Variants in UNC5D observed in about 807,000 individuals in gnomAD.
UNC5D encodes the protein netrin receptor UNC5D.
In UNC5D, 39 loss-of-function variants were observed where a neutral mutation model predicts 105.4. The ratio of observed to expected loss-of-function variants is 0.37; its 90% CI spans 0.29 to 0.48. The LOEUF (loss-of-function observed/expected upper bound fraction) is 0.48. Ranked by LOEUF, UNC5D falls within the 20% of genes least tolerant of loss-of-function variation. The pLI is 0.98. For synonymous variants in UNC5D, 452 were observed against 450.4 expected (o/e 1.00, Z -0.04); for missense variants, 991 against 1,202.4 (o/e 0.82, Z 2.60).
intron 1 of UNC5D, among the ~76,000 whole-genome samples, chr8:35,247,666 T>A (rs1454255450): frequency 3.3e-5 from 1 of 29,894 alleles, no homozygotes; most frequent in Non-Finnish European, 5.1e-5. Flanking sequence ...AAAATATATA[T>A]AATATATAAA....
At position 35,795,696 on chromosome 8, in the gene UNC5D, C is replaced by A. The variant is rs954212524; in HGVS notation, c.*5133C>A. On this transcript the variant is annotated 3_prime_UTR_variant, in exon 17 of 17. Coordinates refer to ENST00000404895, the MANE Select transcript of UNC5D (RefSeq NM_080872.4). ...TTTCAATCAGAAACACTCTCCAAGG[C>A]TTATGGCTAGATTATGTAGGTCACT... 3 of 152,170 alleles carry A rather than the reference C, an allele frequency of 2.0e-5. No individual in the cohort carries two copies. Among genetic ancestry groups the A allele is most frequent in the African/African-American group, 7.2e-5 (3 of 41,460 alleles). 9.4% of individuals were successfully genotyped at this position (152,170 alleles called of 1,614,324 possible). A position where few individuals can be genotyped will look rare whatever the true frequency, so the allele number is the denominator to read the frequency against.
At chr8:35,489,548 A>G (rs939434758) in intron 1 of UNC5D, among the ~76,000 whole-genome samples, 26 of 152,192 alleles carry the variant, frequency 1.7e-4, no homozygotes, top group African/African-American at 6.0e-4. Flanking sequence ...ACACAGAGGA[A>G]AAGCCAAGTG....
chr8:35,499,740 C>T (rs538421528), intron 1 of UNC5D, among the ~76,000 whole-genome samples: 4 of 152,150 alleles, frequency 2.6e-5, no homozygotes, highest in African/African-American at 4.8e-5. Flanking sequence ...TGGAACAGAC[C>T]TGTCTTCATT....
intron 1 of UNC5D, among the ~76,000 whole-genome samples, chr8:35,470,447 G>A (rs1809620625): frequency 1.3e-5 from 2 of 151,924 alleles, no homozygotes; most frequent in South Asian, 2.1e-4. Context: ...ATGTACACAT[G>A]TGTACTTAGT....
chr8:35,761,636 T>A (rs1309806463), intron 14 of UNC5D, among the ~76,000 whole-genome samples: 2 of 152,252 alleles, frequency 1.3e-5, no homozygotes, highest in African/African-American at 4.8e-5. Context: ...TAATTTTCTC[T>A]GCATCAGGAG....
intron 1 of UNC5D, among the ~76,000 whole-genome samples, chr8:35,240,638 C>T (rs1563242111): frequency 6.6e-6 from 1 of 152,028 alleles, no homozygotes; most frequent in Non-Finnish European, 1.5e-5. Context: ...ATAGTAGGGC[C>T]TAGATTTGTA....
intron 1 of UNC5D, among the ~76,000 whole-genome samples, chr8:35,454,863 G>A (rs1808382039): frequency 6.6e-6 from 1 of 152,102 alleles, no homozygotes; most frequent in African/African-American, 2.4e-5. Flanking sequence ...ACCGTACACG[G>A]GTGAGGAATT....
intron 4 of UNC5D, among the ~76,000 whole-genome samples, chr8:35,646,076 A>G (rs916139809): frequency 6.6e-6 from 1 of 152,178 alleles, no homozygotes; most frequent in Non-Finnish European, 1.5e-5. Flanking sequence ...TTAGAATAAT[A>G]TCAATTAAGC....
chr8:35,509,186 C>T (rs1026556941), intron 1 of UNC5D, among the ~76,000 whole-genome samples: 5 of 151,594 alleles, frequency 3.3e-5, no homozygotes, highest in African/African-American at 9.7e-5. Context: ...TGTGTAGACA[C>T]GGAGAAATAG....
intron 8 of UNC5D, among the ~76,000 whole-genome samples, chr8:35,718,957 G>A (rs1828413636): frequency 6.6e-6 from 1 of 152,130 alleles, no homozygotes; most frequent in African/African-American, 2.4e-5. Flanking sequence ...AAGGCTGAGC[G>A]CAGGAATGGT....
chr8:35,301,254 T>G (rs943954696), intron 1 of UNC5D, among the ~76,000 whole-genome samples: 62 of 151,966 alleles, frequency 4.1e-4, no homozygotes, highest in Middle Eastern at 3.4e-3. Context: ...CCTGCAAGAG[T>G]TCCCAATGGT....
intron 1 of UNC5D, among the ~76,000 whole-genome samples, chr8:35,513,820 A>G (rs1812937264): frequency 6.6e-6 from 1 of 152,234 alleles, no homozygotes; most frequent in African/African-American, 2.4e-5. Context: ...TTGTTTACCC[A>G]TTAAACAGGT....
At chr8:35,784,340 T>C (rs1241170281) in intron 16 of UNC5D, among the ~76,000 whole-genome samples, 1 of 152,170 alleles carries the variant, frequency 6.6e-6, no homozygotes, top group African/African-American at 2.4e-5. Flanking sequence ...TATTTTACAG[T>C]TTATCTGTGC....
intron 1 of UNC5D, among the ~76,000 whole-genome samples, chr8:35,488,993 G>C (rs1039045949): frequency 1.3e-5 from 2 of 151,632 alleles, no homozygotes; most frequent in Non-Finnish European, 2.9e-5. Flanking sequence ...ATTATGGGCT[G>C]AATTATCTCC....
intron 1 of UNC5D, among the ~76,000 whole-genome samples, chr8:35,432,064 G>A (rs1391546826): frequency 6.6e-6 from 1 of 152,036 alleles, no homozygotes. Flanking sequence ...TAAGAGTATG[G>A]CCTCTGGAGT....
chr8:35,411,951 C>G (rs1805201274), intron 1 of UNC5D, among the ~76,000 whole-genome samples: 1 of 152,052 alleles, frequency 6.6e-6, no homozygotes, highest in Non-Finnish European at 1.5e-5. Flanking sequence ...CACCTCATGT[C>G]CTCGCCTGTC....
chr8:35,744,479 ATATT>A (rs1451006919), intron 11 of UNC5D, among the ~76,000 whole-genome samples: 2 of 152,160 alleles, frequency 1.3e-5, no homozygotes, highest in African/African-American at 4.8e-5. Context: ...ATGGTTTACT[ATATT>A]TATTAGTTGG....
chr8:35,391,907 T>C (rs1803803286), intron 1 of UNC5D, among the ~76,000 whole-genome samples: 1 of 152,182 alleles, frequency 6.6e-6, no homozygotes, highest in Non-Finnish European at 1.5e-5. Context: ...ACATTTTCTT[T>C]TTGCTTAGTC....
chr8:35,410,707 C>T (rs1030630443), intron 1 of UNC5D, among the ~76,000 whole-genome samples: 3 of 152,024 alleles, frequency 2.0e-5, no homozygotes, highest in Non-Finnish European at 4.4e-5. Context: ...ATTTGAAAGT[C>T]TCATATCAAT....
Sources: gnomAD v4.1 joint callset for allele counts (sites outside exome capture counted in the v4.1 genomes callset) on GRCh38, gnomAD v4.1.1 for gene constraint, MANE v1.5 for transcripts, NCBI Gene and HGNC (gene_info 2026-07-23, HGNC 2026-07-21) for gene names.